RCL1: variants seen among roughly 807,000 people sequenced by gnomAD.
RCL1 encodes RNA 3'-terminal phosphate cyclase-like protein.
RCL1 carries 24 observed loss-of-function variants against 42.4 expected under a neutral mutation model. The ratio of observed to expected loss-of-function variants is 0.57; its 90% confidence interval spans 0.41 to 0.80. The LOEUF (loss-of-function observed/expected upper bound fraction) is 0.80. Ranked by LOEUF, RCL1 falls within the 30% of genes least tolerant of loss-of-function variation. The pLI is 0.00. For synonymous variants in RCL1, 228 were observed against 177.3 expected (o/e 1.29, Z -2.27); for missense variants, 578 against 467.9 (o/e 1.24, Z -2.17).
chr9:4,796,885 A>G (rs1256843878), intron 1 of RCL1, among the ~76,000 whole-genome samples: 1 of 152,198 alleles, frequency 6.6e-6, no homozygotes, highest in Non-Finnish European at 1.5e-5. Flanking sequence ...CTCTGGGTAG[A>G]TACCCAGTAG....
chr9:4,807,285 C>T (rs555985769), intron 1 of RCL1, among the ~76,000 whole-genome samples: 4 of 152,076 alleles, frequency 2.6e-5, no homozygotes, highest in Admixed American at 2.6e-4. Flanking sequence ...TTATTATTTC[C>T]TTCCTTCACT....
rs1842858616 is a variant in RCL1 at position 4,793,221 on chromosome 9, C to T, written c.130C>T (p.Leu44Phe). Residue 44 changes from leucine to phenylalanine, a missense_variant, in exon 1 of 9, where the codon CTC (leucine) becomes TTC (phenylalanine). Leu to Phe is a conservative substitution (Grantham distance 22, BLOSUM62 0). Transcript: ENST00000381750. ...KIRARDDNPG[L>F]RDFEASFIRL... ...TCGGGCCAGAGACGACAACCCGGGC[C>T]TCCGAGGTAACTTGGTGTGGGCGGC... The T allele has an allele frequency of 6.3e-7, 1 of 1,597,900 alleles. No homozygotes were observed. The highest frequency in any genetic ancestry group is 8.5e-7 in the Non-Finnish European group (1 of 1,172,284).
Position 4,826,949 on chromosome 9 carries a change from G to A in RCL1, c.300G>A (p.Glu100=). 1.2e-6 allele frequency: 2 copies of A among 1,614,170 alleles called. No homozygotes were observed. The highest frequency in any genetic ancestry group is 1.7e-6 in the Non-Finnish European group (2 of 1,180,008). The part of the protein sequence containing the change: ...SVLRGIGYYL[E]SLLCLAPFMK... ...TTCGTGGCATTGGGTATTACCTGGA[G>A]AGTCTTCTTTGCTTGGCTCCATTTA... Residue 100 remains glutamate, a synonymous_variant, in exon 3 of 9, where the codon GAG becomes GAA. Coordinates refer to ENST00000381750, the MANE Select transcript of RCL1 (RefSeq NM_005772.5).
At chr9:4,819,622 C>T (rs1348360468) in intron 1 of RCL1, among the ~76,000 whole-genome samples, 3 of 152,154 alleles carry the variant, frequency 2.0e-5, no homozygotes, top group Non-Finnish European at 2.9e-5. Context: ...TCCCGGCCAA[C>T]ATGGTGAAAC....
In RCL1 at chr9:4,860,893, G is replaced by C. The variant is rs1276859155; in HGVS notation, c.*618G>C. 7.2e-6 allele frequency: 1 copy of C among 139,086 alleles called. No individual in the cohort carries two copies. Among genetic ancestry groups the C allele is most frequent in the Non-Finnish European group, 1.5e-5 (1 of 64,582 alleles). The allele number at this position is 139,086 out of a possible 1,614,324, so 8.6% of individuals were successfully genotyped here. ...TATATGTGAGGGATGGATGGCTGCG[G>C]GGCTCCAAGTAAGTTATTGGGATGT... On this transcript the variant is annotated 3_prime_UTR_variant, in exon 9 of 9. Coordinates refer to ENST00000381750, the MANE Select transcript of RCL1 (RefSeq NM_005772.5).
intron 1 of RCL1, among the ~76,000 whole-genome samples, chr9:4,799,652 A>G (rs1316850421): frequency 3.3e-5 from 5 of 152,190 alleles, no homozygotes; most frequent in Admixed American, 3.3e-4. Flanking sequence ...ATCATATAGT[A>G]TGTAACCTTT....
chr9:4,828,894 T>C (rs939229287), intron 3 of RCL1, among the ~76,000 whole-genome samples: 5 of 152,220 alleles, frequency 3.3e-5, no homozygotes, highest in Non-Finnish European at 1.5e-5. Context: ...ATGACCTTGG[T>C]TGGTATCTGG....
chr9:4,817,777 G>A (rs1043935427), intron 1 of RCL1, among the ~76,000 whole-genome samples: 14 of 151,096 alleles, frequency 9.3e-5, no homozygotes, highest in African/African-American at 2.4e-4. Context: ...GATTACAGGC[G>A]TGAGCCACCA....
intron 1 of RCL1, among the ~76,000 whole-genome samples, chr9:4,820,800 C>A (rs1353971011): frequency 6.6e-6 from 1 of 152,128 alleles, no homozygotes; most frequent in Non-Finnish European, 1.5e-5. Context: ...TTAAAAAGAT[C>A]GTAGAAATAA....
intron 1 of RCL1, among the ~76,000 whole-genome samples, chr9:4,817,066 C>T (rs573782731): frequency 4.6e-5 from 7 of 152,348 alleles, no homozygotes; most frequent in Admixed American, 4.6e-4. Flanking sequence ...ATCCGCCTGC[C>T]TCGGCCTCCC....
rs149447893 is a variant in RCL1, at chr9:4,859,997, C to T, written c.972-128C>T. The T allele has an allele frequency of 7.1e-4, 421 of 593,054 alleles. 3 individuals are homozygous for T. In the East Asian group the frequency reaches 0.01, roughly 15 times the overall value. The allele number at this position is 593,054 out of a possible 1,614,324, so 36.7% of individuals were successfully genotyped here. On this transcript the variant is annotated intron_variant, in intron 8 of 8. Coordinates refer to ENST00000381750, the MANE Select transcript of RCL1 (RefSeq NM_005772.5). ...AAAGGAAGTACTATTTAATCAGATT[C>T]GATGAGAAGGTCTTAACTTCAGCCC...
chr9:4,859,801 T>G (rs1028415539), intron 8 of RCL1, among the ~76,000 whole-genome samples: 1 of 151,878 alleles, frequency 6.6e-6, no homozygotes, highest in African/African-American at 2.4e-5. Flanking sequence ...CCATCTCTTA[T>G]AAAAAAAAGA....
chr9:4,807,183 G>A (rs533523133), intron 1 of RCL1, among the ~76,000 whole-genome samples: 11 of 152,208 alleles, frequency 7.2e-5, no homozygotes, highest in African/African-American at 2.2e-4. Context: ...CTTGCTGGAC[G>A]TTGTCAATTT....
chr9:4,797,960 ATTAAG>A (rs1259248265), intron 1 of RCL1, among the ~76,000 whole-genome samples: 2 of 152,210 alleles, frequency 1.3e-5, no homozygotes, highest in Non-Finnish European at 2.9e-5. Flanking sequence ...AACATGAACA[ATTAAG>A]TTTATCTCAT....
intron 3 of RCL1, among the ~76,000 whole-genome samples, chr9:4,830,827 TA>T (rs1816918949): frequency 6.6e-6 from 1 of 152,232 alleles, no homozygotes; most frequent in African/African-American, 2.4e-5. Flanking sequence ...ATTACATTTT[TA>T]CCTTTTGATT....
At chr9:4,802,568 G>A (rs542516876) in intron 1 of RCL1, among the ~76,000 whole-genome samples, 1 of 152,230 alleles carries the variant, frequency 6.6e-6, no homozygotes, top group African/African-American at 2.4e-5. Context: ...CTCATCCTGA[G>A]ATGAGAAATG....
chr9:4,809,211 A>G (rs2130979697), intron 1 of RCL1, among the ~76,000 whole-genome samples: 1 of 152,340 alleles, frequency 6.6e-6, no homozygotes, highest in African/African-American at 2.4e-5. Context: ...TTGTCATTAA[A>G]TAAAGCAGCA....
chr9:4,794,409 C>G (rs1309711710), intron 1 of RCL1, among the ~76,000 whole-genome samples: 1 of 152,174 alleles, frequency 6.6e-6, no homozygotes, highest in Non-Finnish European at 1.5e-5. Flanking sequence ...CTCTCTACTG[C>G]TCAAAAACAC....
intron 1 of RCL1, among the ~76,000 whole-genome samples, chr9:4,793,813 G>T (rs933212249): frequency 5.3e-5 from 8 of 152,210 alleles, no homozygotes; most frequent in Non-Finnish European, 7.3e-5. Context: ...TGTGATTGAT[G>T]TGCGCAGGAC....
Sources: gnomAD v4.1 joint callset for allele counts (sites outside exome capture counted in the v4.1 genomes callset) on GRCh38, gnomAD v4.1.1 for gene constraint, MANE v1.5 for transcripts, NCBI Gene and HGNC (gene_info 2026-07-23, HGNC 2026-07-21) for gene names.